RIMS1: variants seen among roughly 807,000 people sequenced by gnomAD.
RIMS1 encodes regulating synaptic membrane exocytosis protein 1.
In RIMS1, 83 loss-of-function variants were observed where a neutral mutation model predicts 214.1. That is an observed-to-expected ratio of 0.39 (90% CI 0.32 to 0.47). RIMS1 has a LOEUF of 0.47. Among genes scored for constraint, RIMS1 ranks in the 20% least tolerant of loss-of-function variants. RIMS1 has a pLI of 0.99. For synonymous variants in RIMS1, 793 were observed against 786.8 expected, an observed-to-expected ratio of 1.01 and a Z score of -0.13; for missense variants, 2,050 against 2,161.8, an observed-to-expected ratio of 0.95 and a Z score of 1.03.
At chr6:72,120,567 G>C (rs980700541) in intron 4 of RIMS1, among the ~76,000 whole-genome samples, 2 of 151,848 alleles carry the variant, frequency 1.3e-5, no homozygotes, top group African/African-American at 4.8e-5. Flanking sequence ...TTGGCAGATG[G>C]GTAGATTGCA....
chr6:72,256,012 G>A (rs1357834296), intron 16 of RIMS1, among the ~76,000 whole-genome samples: 2 of 131,086 alleles, frequency 1.5e-5, no homozygotes, highest in African/African-American at 2.9e-5. Flanking sequence ...GTGACAGAGC[G>A]AGACTCCATC....
At chr6:72,124,377 C>A (rs2039075395) in intron 4 of RIMS1, among the ~76,000 whole-genome samples, 2 of 151,804 alleles carry the variant, frequency 1.3e-5, no homozygotes, top group African/African-American at 4.8e-5. Context: ...TGTGGGTAAC[C>A]CGACCTTTCT....
At chr6:72,034,869 G>A (rs1819171540) in intron 2 of RIMS1, among the ~76,000 whole-genome samples, 1 of 152,104 alleles carries the variant, frequency 6.6e-6, no homozygotes, top group Non-Finnish European at 1.5e-5. Context: ...GCATAATTAA[G>A]ATGCATAATT....
chr6:72,284,050 C>T lies in RIMS1; in HGVS notation c.3486C>T (p.His1162=). 2 of 1,612,134 alleles carry T rather than the reference C, an allele frequency of 1.2e-6. No homozygotes were observed. Among genetic ancestry groups the T allele is most frequent in the Non-Finnish European group, 8.5e-7 (1 of 1,178,576 alleles). Residue 1162 remains histidine (H), a synonymous_variant, in exon 24 of 34, where the codon CAC becomes CAT. Transcript: ENST00000521978. ...IQHASPENDR[H]SRKSERSSIQ... ...TGTTTAACATTTCATTCCACAGGCA[C>T]TCCAGAAAGTCTGAAAGATCTAGCA...
chr6:72,223,548 A>G (rs1830341), intron 6 of RIMS1, among the ~76,000 whole-genome samples: 11,596 of 152,284 alleles, frequency 0.076, 587 homozygotes, highest in Middle Eastern at 0.16. Flanking sequence ...AGAAAAGATC[A>G]GTAAGGGGAA....
chr6:72,024,269 G>A (rs915743357), intron 2 of RIMS1, among the ~76,000 whole-genome samples: 2 of 151,758 alleles, frequency 1.3e-5, no homozygotes, highest in African/African-American at 2.4e-5. Flanking sequence ...TGTTCCTAGG[G>A]TTTCTCTACA....
chr6:71,961,977 A>C (rs1160157381), intron 1 of RIMS1, among the ~76,000 whole-genome samples: 1 of 152,174 alleles, frequency 6.6e-6, no homozygotes, highest in African/African-American at 2.4e-5. Context: ...TAAGTATTAC[A>C]TTTTAAGAAT....
chr6:72,171,023 C>G (rs1412890997), intron 4 of RIMS1, among the ~76,000 whole-genome samples: 1 of 151,894 alleles, frequency 6.6e-6, no homozygotes, highest in African/African-American at 2.4e-5. Flanking sequence ...AAGATATAAG[C>G]TGTCCTAGGT....
At position 72,290,737 on chromosome 6, in the gene RIMS1, C is replaced by G; in HGVS notation, c.3613C>G (p.Pro1205Ala). The stretch of plus-strand genomic sequence containing the variant: ...CGCAGCCCCAAGAGCAACTGATCAG[C>G]CAGTCATTAGGGGAAAACATCCTGC... ...GHAAPRATDQ[P>A]VIRGKHPARS... Residue 1205 changes from proline (P) to alanine (A), a missense_variant, in exon 25 of 34, where the codon CCA (proline) becomes GCA (alanine). By Grantham distance (27) the Pro-to-Ala change is conservative (BLOSUM62 -1). Coordinates refer to ENST00000521978, the MANE Select transcript of RIMS1 (RefSeq NM_014989.7). 1 of 1,613,804 alleles carries G rather than the reference C, an allele frequency of 6.2e-7. No individual in the cohort carries two copies. Among genetic ancestry groups the G allele is most frequent in the Non-Finnish European group, 8.5e-7 (1 of 1,179,774 alleles).
intron 4 of RIMS1, among the ~76,000 whole-genome samples, chr6:72,116,377 G>A (rs573592843): frequency 3.2e-4 from 48 of 152,064 alleles, no homozygotes; most frequent in African/African-American, 8.7e-4. Context: ...GTACAAAAAC[G>A]AGATGAAAGA....
At chr6:72,249,791 GA>G (rs1357888593) in intron 12 of RIMS1, among the ~76,000 whole-genome samples, 1 of 151,872 alleles carries the variant, frequency 6.6e-6, no homozygotes, top group East Asian at 1.9e-4. Flanking sequence ...AAATAAGTGA[GA>G]AAAAATACCA....
At chr6:71,936,972 T>C (rs938216581) in intron 1 of RIMS1, among the ~76,000 whole-genome samples, 1 of 152,244 alleles carries the variant, frequency 6.6e-6, no homozygotes, top group Non-Finnish European at 1.5e-5. Flanking sequence ...GCTGTAAAAC[T>C]CTGGGAATCT....
At chr6:72,295,424 CAA>C (rs773169803) in intron 26 of RIMS1, among the ~76,000 whole-genome samples, 40 of 151,546 alleles carry the variant, frequency 2.6e-4, no homozygotes, top group Non-Finnish European at 5.5e-4. Flanking sequence ...GTGGTGCAAA[CAA>C]AGTGTAAAAA....
At chr6:71,895,673 C>CAA (rs70994105) in intron 1 of RIMS1, among the ~76,000 whole-genome samples, 3,666 of 63,856 alleles carry the variant, frequency 0.057, 169 homozygotes, top group East Asian at 0.16. Flanking sequence ...GACTCCCTCT[C>CAA]AAAAAAAAAA....
intron 31 of RIMS1, among the ~76,000 whole-genome samples, chr6:72,394,372 C>A (rs572980661): frequency 6.6e-6 from 1 of 151,402 alleles, no homozygotes; most frequent in Non-Finnish European, 1.5e-5. Flanking sequence ...TTCTAGTTCA[C>A]AAAGTTATGC....
At chr6:72,004,508 T>C (rs1226731656) in intron 2 of RIMS1, among the ~76,000 whole-genome samples, 2 of 151,292 alleles carry the variant, frequency 1.3e-5, no homozygotes, top group Non-Finnish European at 3.0e-5. Context: ...TGTTCCTATT[T>C]CTCCACATCC....
At chr6:72,238,160 G>A (rs995055744) in intron 9 of RIMS1, among the ~76,000 whole-genome samples, 4 of 151,856 alleles carry the variant, frequency 2.6e-5, no homozygotes, top group Non-Finnish European at 5.9e-5. Flanking sequence ...GTAAGGGTAG[G>A]AATCTTCTTT....
chr6:72,390,578 C>A lies in RIMS1; in HGVS notation c.4367-20C>A, dbSNP rs372419337. 37 of 1,600,278 alleles carry A rather than the reference C, an allele frequency of 2.3e-5. No individual in the cohort carries two copies. In the African/African-American group the frequency reaches 4.6e-4, roughly 20 times the overall value. Reference sequence around the variant, plus strand: ...ACTGTCTAAATAAAACTTAGAGTTTCTTTTACTCTCTCCTGTCAGAGTCGG... The same window carrying A: ...ACTGTCTAAATAAAACTTAGAGTTTATTTTACTCTCTCCTGTCAGAGTCGG... On this transcript the variant is annotated intron_variant, in intron 29 of 33. Transcript: ENST00000521978.
chr6:72,153,676 C>A (rs182858839), intron 4 of RIMS1, among the ~76,000 whole-genome samples: 1 of 152,040 alleles, frequency 6.6e-6, no homozygotes, highest in Non-Finnish European at 1.5e-5. Context: ...GCACTTACTG[C>A]GCTAAGGGAT....
Sources: allele counts gnomAD v4.1 joint callset (sites outside exome capture counted in the v4.1 genomes callset), GRCh38; gene constraint gnomAD v4.1.1; transcripts MANE v1.5; gene names NCBI Gene and HGNC (gene_info 2026-07-23, HGNC 2026-07-21).